The following GPATCH2 variants were observed in gnomAD, a reference collection of about 807,000 sequenced individuals.
The protein encoded by GPATCH2 is G-patch domain containing 2, also known as G patch domain-containing protein 2.
Under a neutral mutation model 58.0 loss-of-function variants are expected in GPATCH2, and 51 were observed. The ratio of observed to expected loss-of-function variants is 0.88; its 90% CI spans 0.70 to 1.11. The LOEUF (loss-of-function observed/expected upper bound fraction) is 1.11. Ranked by LOEUF, GPATCH2 falls within the 50% of genes most tolerant of loss-of-function variation. GPATCH2 has a pLI of 0.00. For missense variants in GPATCH2, 625 were observed against 652.2 expected, an observed-to-expected ratio of 0.96 and a Z score of 0.45; for synonymous variants, 222 against 218.5, an observed-to-expected ratio of 1.02 and a Z score of -0.14.
intron 9 of GPATCH2, among the ~76,000 whole-genome samples, chr1:217,435,131 C>T (rs1439346785): frequency 3.3e-5 from 5 of 152,178 alleles, no homozygotes; most frequent in Non-Finnish European, 4.4e-5. Context: ...TCAGCCTCAG[C>T]GCAGTATACA....
chr1:217,533,080 T>G (rs1210176699), intron 5 of GPATCH2, among the ~76,000 whole-genome samples: 1 of 151,148 alleles, frequency 6.6e-6, no homozygotes, highest in Non-Finnish European at 1.5e-5. Flanking sequence ...TTTTTTTTTT[T>G]TTTAGAGATG....
At chr1:217,491,269 CTT>C (rs1315606165) in intron 8 of GPATCH2, among the ~76,000 whole-genome samples, 1 of 152,094 alleles carries the variant, frequency 6.6e-6, no homozygotes, top group Admixed American at 6.6e-5. Context: ...TAAAAGCACT[CTT>C]TAAAAGAGAC....
chr1:217,513,946 T>C (rs1345122916), intron 6 of GPATCH2, among the ~76,000 whole-genome samples: 1 of 151,818 alleles, frequency 6.6e-6, no homozygotes, highest in East Asian at 1.9e-4. Flanking sequence ...CGTCTCAGCT[T>C]TCCAAGTAGC....
At chr1:217,605,937 C>T (rs1668341279) in intron 5 of GPATCH2, among the ~76,000 whole-genome samples, 1 of 152,056 alleles carries the variant, frequency 6.6e-6, no homozygotes, top group Non-Finnish European at 1.5e-5. Context: ...ATAGCCTCCA[C>T]ATATCCCTTG....
In GPATCH2 at chr1:217,494,132, T is replaced by C. The variant is rs932939331; in HGVS notation, c.1207-2382A>G. ...ACGTTGATGTTATAGCTCCTTTTAT[T>C]AGATTTATATTATAATGTGTTTTCT... On this transcript the variant is annotated intron_variant, in intron 7 of 9. Transcript: ENST00000366935. 3.9e-5 allele frequency among the ~76,000 whole-genome samples: 6 copies of C among 152,222 alleles called. No homozygotes were observed. In the East Asian group the frequency reaches 5.8e-4, roughly 15 times the overall value.
chr1:217,495,485 TA>T (rs756019931), intron 7 of GPATCH2, among the ~76,000 whole-genome samples: 39 of 152,170 alleles, frequency 2.6e-4, no homozygotes, highest in Admixed American at 6.5e-4. Context: ...AAGTAAAAAC[TA>T]AACTATGATC....
chr1:217,548,660 G>A (rs1405392846), intron 5 of GPATCH2, among the ~76,000 whole-genome samples: 2 of 152,122 alleles, frequency 1.3e-5, no homozygotes, highest in African/African-American at 4.8e-5. Flanking sequence ...ATCCCCATGT[G>A]TCATGGGAGG....
intron 5 of GPATCH2, among the ~76,000 whole-genome samples, chr1:217,601,535 C>T (rs1242903064): frequency 1.3e-5 from 2 of 152,002 alleles, no homozygotes; most frequent in Non-Finnish European, 2.9e-5. Flanking sequence ...AAGCTTTGGG[C>T]AATCTGATCA....
intron 9 of GPATCH2, among the ~76,000 whole-genome samples, chr1:217,446,215 CA>C (rs1234526195): frequency 2.2e-4 from 33 of 151,962 alleles, no homozygotes; most frequent in African/African-American, 8.0e-4. Flanking sequence ...TGACTAAAGG[CA>C]AAAGAAACTA....
At chr1:217,624,938 A>G (rs1669379199) in intron 1 of GPATCH2, among the ~76,000 whole-genome samples, 1 of 152,228 alleles carries the variant, frequency 6.6e-6, no homozygotes, top group Non-Finnish European at 1.5e-5. Context: ...AATGAACAGA[A>G]TACCCCAAAA....
At chr1:217,478,769 A>T (rs559670783) in intron 8 of GPATCH2, among the ~76,000 whole-genome samples, 174 of 152,334 alleles carry the variant, frequency 1.1e-3, no homozygotes, top group African/African-American at 4.0e-3. Context: ...TGTAAGTCCA[A>T]GAAGGTTATA....
intron 5 of GPATCH2, among the ~76,000 whole-genome samples, chr1:217,573,677 C>T (rs1012755897): frequency 2.0e-5 from 3 of 152,084 alleles, no homozygotes; most frequent in Admixed American, 1.3e-4. Flanking sequence ...CTAAACTTTA[C>T]GAGTCAGATA....
chr1:217,530,193 T>C lies in GPATCH2; in HGVS notation c.1099-15304A>G, dbSNP rs552090177. Among the ~76,000 whole-genome samples the C allele has an allele frequency of 7.2e-5, 11 of 152,322 alleles. No individual in the cohort carries two copies. In the South Asian group the frequency reaches 2.3e-3, roughly 32 times the overall value. ...TGAAATTTGTGGATTTCATCATTTT[T>C]TCCCCTCCAGTATAAAGTAGTTCTT... is the stretch of plus-strand genomic sequence containing the variant. On this transcript the variant is annotated intron_variant, in intron 5 of 9. Coordinates refer to ENST00000366935, the MANE Select transcript of GPATCH2 (RefSeq NM_018040.5).
In GPATCH2 at chr1:217,611,107, C is replaced by T. The variant is rs564760752; in HGVS notation, c.836-36G>A. On this transcript the variant is annotated intron_variant, in intron 3 of 9. Coordinates refer to ENST00000366935, the MANE Select transcript of GPATCH2 (RefSeq NM_018040.5). ...ACAAGAAACCCCCCCCCACCAAAGA[C>T]TCAGTTTTATCATCCAGTTACACAA... The T allele has an allele frequency of 7.7e-6, 12 of 1,566,752 alleles. No individual in the cohort carries two copies. The South Asian group carries it at 1.1e-4, about 14-fold the overall frequency.
chr1:217,519,370 A>C (rs1279611447), intron 5 of GPATCH2, among the ~76,000 whole-genome samples: 1 of 152,244 alleles, frequency 6.6e-6, no homozygotes, highest in Non-Finnish European at 1.5e-5. Flanking sequence ...TTACTTTTAA[A>C]GCAACATACA....
chr1:217,443,636 A>G (rs1208433704), intron 9 of GPATCH2, among the ~76,000 whole-genome samples: 16 of 151,892 alleles, frequency 1.1e-4, no homozygotes, highest in Non-Finnish European at 1.9e-4. Context: ...TCCTTCTGTA[A>G]GTTCTATTGG....
chr1:217,532,530 C>T (rs1401775026), intron 5 of GPATCH2, among the ~76,000 whole-genome samples: 2 of 152,040 alleles, frequency 1.3e-5, no homozygotes, highest in African/African-American at 4.8e-5. Flanking sequence ...ATTTATGGGA[C>T]TGACATTTTA....
chr1:217,546,402 C>T (rs997309881), intron 5 of GPATCH2, among the ~76,000 whole-genome samples: 1 of 152,078 alleles, frequency 6.6e-6, no homozygotes, highest in Non-Finnish European at 1.5e-5. Context: ...GGTACTGGTA[C>T]AAAAACAGAC....
intron 5 of GPATCH2, among the ~76,000 whole-genome samples, chr1:217,593,808 G>C (rs1406252917): frequency 1.3e-5 from 2 of 151,982 alleles, no homozygotes; most frequent in Non-Finnish European, 2.9e-5. Flanking sequence ...TACATAGCTA[G>C]AATAGATCTG....
Sources: allele counts gnomAD v4.1 joint callset (sites outside exome capture counted in the v4.1 genomes callset), GRCh38; gene constraint gnomAD v4.1.1; transcripts MANE v1.5; gene names NCBI Gene and HGNC (gene_info 2026-07-23, HGNC 2026-07-21).